The following CLVS1 variants were observed in gnomAD, a reference collection of about 807,000 sequenced individuals.
The protein encoded by CLVS1 is clavesin 1.
A neutral mutation model predicts 33.1 loss-of-function variants in CLVS1; 10 were observed. The observed-to-expected ratio is 0.30, with a 90% confidence interval of 0.19 to 0.51. CLVS1 has a LOEUF of 0.51. Ranked by LOEUF, CLVS1 falls within the 20% of genes least tolerant of loss-of-function variation. The pLI is 0.97. For synonymous variants in CLVS1, 163 were observed against 166.1 expected (o/e 0.98, Z 0.14); for missense variants, 343 against 433.4 (o/e 0.79, Z 1.85).
At chr8:61,471,446 G>T (rs1817734447) in intron 5 of CLVS1, among the ~76,000 whole-genome samples, 2 of 152,188 alleles carry the variant, frequency 1.3e-5, no homozygotes, top group Admixed American at 6.5e-5. Flanking sequence ...AGCAGGTAAT[G>T]ATTATGCATG....
chr8:61,002,335 T>G, the CLVS1 span, among the ~76,000 whole-genome samples: 1 of 149,082 alleles, frequency 6.7e-6, no homozygotes, highest in African/African-American at 2.5e-5. Flanking sequence ...TTGTTTTTTT[T>G]TTTTTTTTTT....
intron 1 of CLVS1, among the ~76,000 whole-genome samples, chr8:61,079,258 G>A (rs949783164): frequency 6.6e-6 from 1 of 152,186 alleles, no homozygotes; most frequent in Non-Finnish European, 1.5e-5. Context: ...CTCTTCAGGG[G>A]AGGGGTGGTT....
chr8:61,059,759 C>T (rs1310442634), intron 1 of CLVS1, among the ~76,000 whole-genome samples: 3 of 149,518 alleles, frequency 2.0e-5, no homozygotes, highest in South Asian at 2.1e-4. Flanking sequence ...TGCAGTGAGC[C>T]GAGATCACAC....
chr8:60,985,091 G>A, the CLVS1 span, among the ~76,000 whole-genome samples: 1 of 152,154 alleles, frequency 6.6e-6, no homozygotes, highest in African/African-American at 2.4e-5. Flanking sequence ...GGAAGATTTC[G>A]GACCAACTAA....
At chr8:61,287,767 T>C (rs1011199513), upstream of CLVS1, among the ~76,000 whole-genome samples, 7 of 152,192 alleles carry the variant, frequency 4.6e-5, no homozygotes, top group African/African-American at 1.7e-4. Context: ...GCTTTTGCGC[T>C]TTCATTAATC....
At chr8:61,366,838 A>G (rs760827041) in intron 2 of CLVS1, among the ~76,000 whole-genome samples, 2 of 152,200 alleles carry the variant, frequency 1.3e-5, no homozygotes, top group African/African-American at 2.4e-5. Context: ...GTATTTTATC[A>G]CATTTGGTAG....
intron 2 of CLVS1, among the ~76,000 whole-genome samples, chr8:61,214,315 A>G (rs908398910): frequency 5.3e-5 from 8 of 152,166 alleles, no homozygotes; most frequent in Non-Finnish European, 1.2e-4. Flanking sequence ...AAAGTCCCTA[A>G]TAAAAACTTG....
intron 2 of CLVS1, among the ~76,000 whole-genome samples, chr8:61,153,217 A>G (rs1806577240): frequency 6.6e-6 from 1 of 152,254 alleles, no homozygotes; most frequent in South Asian, 2.1e-4. Context: ...CAAAATGAGT[A>G]ATAACAAATT....
intron 5 of CLVS1, among the ~76,000 whole-genome samples, chr8:61,463,595 CAAG>C (rs1817445289): frequency 6.6e-6 from 1 of 151,994 alleles, no homozygotes; most frequent in Non-Finnish European, 1.5e-5. Flanking sequence ...TAGCGAGGCC[CAAG>C]AAGAAGGAGA....
At chr8:61,385,783 G>A (rs554696485) in intron 3 of CLVS1, among the ~76,000 whole-genome samples, 2 of 152,268 alleles carry the variant, frequency 1.3e-5, no homozygotes, top group African/African-American at 4.8e-5. Context: ...TAGTGTCTGC[G>A]TCGTCTGTGT....
the CLVS1 span, among the ~76,000 whole-genome samples, chr8:61,026,691 A>G: frequency 1.3e-5 from 2 of 152,196 alleles, no homozygotes; most frequent in Non-Finnish European, 2.9e-5. Flanking sequence ...CATAGAAATA[A>G]CTTGTCTTCT....
chr8:61,164,985 G>A (rs544149810), intron 2 of CLVS1, among the ~76,000 whole-genome samples: 4 of 152,218 alleles, frequency 2.6e-5, no homozygotes, highest in South Asian at 2.1e-4. Context: ...TTGGTCTCAC[G>A]GATTCCAAGG....
intron 1 of CLVS1, among the ~76,000 whole-genome samples, chr8:61,113,117 G>A (rs1301393763): frequency 6.6e-6 from 1 of 152,172 alleles, no homozygotes; most frequent in Non-Finnish European, 1.5e-5. Flanking sequence ...GTGAGAAGCA[G>A]AACTGCAGAG....
intron 5 of CLVS1, among the ~76,000 whole-genome samples, chr8:61,485,679 A>G (rs1803852753): frequency 6.6e-6 from 1 of 152,262 alleles, no homozygotes; most frequent in Non-Finnish European, 1.5e-5. Flanking sequence ...ACAATAGCAA[A>G]GACTTAGAAC....
chr8:61,456,892 TGG>T (rs1817183934), intron 4 of CLVS1, among the ~76,000 whole-genome samples: 4 of 145,714 alleles, frequency 2.7e-5, no homozygotes, highest in Admixed American at 2.7e-4. Flanking sequence ...CACTCCAGCT[TGG>T]GCAACAGAGC....
At position 61,253,787 on chromosome 8, in the gene CLVS1, C is replaced by T. The variant is rs183261489; in HGVS notation, c.-151-45890C>T. 7.4e-3 allele frequency among the ~76,000 whole-genome samples: 1,123 copies of T among 152,294 alleles called. 14 individuals carry two copies. The highest frequency in any genetic ancestry group is 0.025 in the African/African-American group (1,054 of 41,554). ...TCAGCTCCATCAGGTCCTTTAAGCA[C>T]TTCTCTGCATTGGTTATTCTAGTTA... On this transcript the variant is annotated intron_variant, in intron 2 of 2. Transcript: ENST00000522621.
intron 5 of CLVS1, among the ~76,000 whole-genome samples, chr8:61,472,089 C>G (rs1422153314): frequency 6.6e-6 from 1 of 152,238 alleles, no homozygotes; most frequent in Non-Finnish European, 1.5e-5. Context: ...CTCCACTCCT[C>G]TCAAGGGCGC....
intron 2 of CLVS1, among the ~76,000 whole-genome samples, chr8:61,206,815 C>T (rs1006385756): frequency 3.9e-5 from 6 of 152,114 alleles, no homozygotes; most frequent in Admixed American, 1.3e-4. Flanking sequence ...TCTCGATCTC[C>T]TGACCTTGTG....
At chr8:61,191,519 G>A (rs1807477048) in intron 2 of CLVS1, among the ~76,000 whole-genome samples, 1 of 152,102 alleles carries the variant, frequency 6.6e-6, no homozygotes, top group South Asian at 2.1e-4. Context: ...TGAAAGTTCT[G>A]GCCAGGGCAA....
Sources: allele counts gnomAD v4.1 joint callset (sites outside exome capture counted in the v4.1 genomes callset), GRCh38; gene constraint gnomAD v4.1.1; transcripts MANE v1.5; gene names NCBI Gene and HGNC (gene_info 2026-07-23, HGNC 2026-07-21).